NDUFAF6: variants seen among roughly 807,000 people sequenced by gnomAD.
NDUFAF6 encodes the protein NADH:ubiquinone oxidoreductase complex assembly factor 6.
Under a neutral mutation model 40.8 loss-of-function variants are expected in NDUFAF6, and 45 were observed. That is an observed-to-expected ratio of 1.10 (90% CI 0.87 to 1.42). NDUFAF6 has a LOEUF of 1.42. NDUFAF6 is among the 40% of genes most tolerant of loss of function. The pLI is 0.00. For missense variants in NDUFAF6, 435 were observed against 418.5 expected (o/e 1.04, Z -0.34); for synonymous variants, 185 against 155.9 (o/e 1.19, Z -1.39).
At chr8:94,972,304 C>T (rs890642967) in intron 1 of NDUFAF6, among the ~76,000 whole-genome samples, 1 of 152,118 alleles carries the variant, frequency 6.6e-6, no homozygotes. Flanking sequence ...TGCAGTGGCT[C>T]GATCTTGGCT....
At chr8:94,953,378 A>C (rs994916795), upstream of NDUFAF6, among the ~76,000 whole-genome samples, 6 of 151,306 alleles carry the variant, frequency 4.0e-5, no homozygotes, top group East Asian at 7.7e-4. Context: ...AAAACCTTTG[A>C]GCAGAAAGCA....
In NDUFAF6 at chr8:95,032,024, C is replaced by G; in HGVS notation, c.227C>G (p.Ser76Cys). ...RKRDYEGYLC[S>C]LLLPAESRSS... ...CGGGATTATGAAGGTTATTTATGCT[C>G]CCTGCTGCTCCCTGCAGAATCCCGA... The change falls in exon 2 of 9, where the codon TCC (serine) becomes TGC (cysteine). Residue 76 changes from serine to cysteine, a missense_variant. Physicochemically the swap from Ser to Cys is moderately radical, Grantham distance 112. Transcript: ENST00000396124. 6.2e-7 allele frequency: 1 copy of G among 1,614,042 alleles called. No individual in the cohort carries two copies. Among genetic ancestry groups the G allele is most frequent in the Admixed American group, 1.7e-5 (1 of 60,006 alleles).
chr8:94,905,012 C>A (rs764978751), intron 1 of NDUFAF6, among the ~76,000 whole-genome samples: 1 of 152,142 alleles, frequency 6.6e-6, no homozygotes, highest in African/African-American at 2.4e-5. Context: ...CCAGCCTGGC[C>A]AACATGGTGA....
chr8:94,899,352 C>T (rs1265667462), intron 1 of NDUFAF6, among the ~76,000 whole-genome samples: 1 of 152,242 alleles, frequency 6.6e-6, no homozygotes, highest in Non-Finnish European at 1.5e-5. Flanking sequence ...TTGAGAACTG[C>T]ATACATAGTT....
chr8:94,935,538 T>C (rs754168735), intron 1 of NDUFAF6, among the ~76,000 whole-genome samples: 14 of 152,192 alleles, frequency 9.2e-5, no homozygotes, highest in Non-Finnish European at 1.8e-4. Context: ...AATAGACAGA[T>C]TGATTAATCA....
chr8:95,033,233 CAG>C (rs1829064849), intron 2 of NDUFAF6, among the ~76,000 whole-genome samples: 1 of 151,906 alleles, frequency 6.6e-6, no homozygotes. Context: ...TTTTTAGAGA[CAG>C]AGTCTTGCTA....
At chr8:94,908,616 C>A (rs960773471) in intron 1 of NDUFAF6, among the ~76,000 whole-genome samples, 2 of 152,182 alleles carry the variant, frequency 1.3e-5, no homozygotes, top group Non-Finnish European at 2.9e-5. Context: ...GTAATCCTCC[C>A]ATCTCAGCCT....
chr8:95,069,796 TATATATATATATATAA>T (rs1328793156), intron 9 of NDUFAF6, among the ~76,000 whole-genome samples: 4 of 140,596 alleles, frequency 2.8e-5, no homozygotes, highest in African/African-American at 5.4e-5. Context: ...AAAAAAAAAT[TATATATATATATATAA>T]ATATATATAT....
chr8:94,948,795 A>C (rs1490744368), intron 2 of NDUFAF6, among the ~76,000 whole-genome samples: 1 of 151,892 alleles, frequency 6.6e-6, no homozygotes, highest in Admixed American at 6.6e-5. Context: ...TGAGAGGAGG[A>C]GGTCCCGCCG....
intron 8 of NDUFAF6, among the ~76,000 whole-genome samples, chr8:95,057,408 A>T (rs1033933580): frequency 1.3e-5 from 2 of 152,134 alleles, no homozygotes; most frequent in African/African-American, 2.4e-5. Flanking sequence ...CTTAAAAGAC[A>T]ACTTGAGCTC....
intron 1 of NDUFAF6, among the ~76,000 whole-genome samples, chr8:94,908,843 T>C (rs180705610): frequency 6.6e-6 from 1 of 152,324 alleles, no homozygotes; most frequent in East Asian, 1.9e-4. Flanking sequence ...AGATTGGAAC[T>C]TGAACCCAAG....
chr8:94,978,054 C>T (rs1245522920), intron 1 of NDUFAF6, among the ~76,000 whole-genome samples: 4 of 152,038 alleles, frequency 2.6e-5, no homozygotes, highest in Non-Finnish European at 4.4e-5. Flanking sequence ...TGGAATTTCC[C>T]GGGTACTAGA....
chr8:95,028,409 T>G (rs1398218435), intron 1 of NDUFAF6, among the ~76,000 whole-genome samples: 1 of 152,234 alleles, frequency 6.6e-6, no homozygotes, highest in Non-Finnish European at 1.5e-5. Flanking sequence ...ATAATTCACA[T>G]TTATAACGAT....
chr8:94,915,839 G>A (rs1027414332), intron 1 of NDUFAF6, among the ~76,000 whole-genome samples: 2 of 152,180 alleles, frequency 1.3e-5, no homozygotes, highest in African/African-American at 4.8e-5. Context: ...TAGGAACTGG[G>A]GAACAAATAG....
At chr8:94,933,738 C>G (rs908554076) in intron 1 of NDUFAF6, among the ~76,000 whole-genome samples, 39 of 146,520 alleles carry the variant, frequency 2.7e-4, no homozygotes, top group African/African-American at 8.8e-4. Context: ...GCACTCCAGC[C>G]TGGGTGACAG....
chr8:95,031,881 A>C, intron 1 of NDUFAF6, 114 bp from the exon 2 acceptor site: 1 of 982,696 alleles, frequency 1.0e-6, no homozygotes, highest in Non-Finnish European at 1.6e-6. Flanking sequence ...GATTACAGGC[A>C]TGAGCTACCG....
chr8:95,115,362 A>G (rs1810110196), intron 4 of NDUFAF6, among the ~76,000 whole-genome samples: 1 of 152,120 alleles, frequency 6.6e-6, no homozygotes, highest in Non-Finnish European at 1.5e-5. Flanking sequence ...TTACTATGCT[A>G]TTTCTGGAAG....
At chr8:94,936,703 A>G (rs1821009537) in intron 1 of NDUFAF6, among the ~76,000 whole-genome samples, 1 of 152,114 alleles carries the variant, frequency 6.6e-6, no homozygotes, top group African/African-American at 2.4e-5. Context: ...TTTGAGGGGT[A>G]TATTAGGACA....
downstream of NDUFAF6, among the ~76,000 whole-genome samples, chr8:95,062,089 G>A (rs1832584995): frequency 6.6e-6 from 1 of 151,984 alleles, no homozygotes; most frequent in Admixed American, 6.6e-5. Context: ...CACAGGAGGT[G>A]GAGGTTGCAG....
Sources: gnomAD v4.1 joint callset for allele counts (sites outside exome capture counted in the v4.1 genomes callset) on GRCh38, gnomAD v4.1.1 for gene constraint, MANE v1.5 for transcripts, NCBI Gene and HGNC (gene_info 2026-07-23, HGNC 2026-07-21) for gene names.